HOTAIR: variants seen among roughly 807,000 people sequenced by gnomAD.
HOTAIR encodes HOX transcript antisense RNA (non-protein coding).
At chr12:53,972,228 A>C (rs1452326607) in intron 1 of HOTAIR, among the ~76,000 whole-genome samples, 1 of 152,234 alleles carries the variant, frequency 6.6e-6, no homozygotes, top group Non-Finnish European at 1.5e-5. Context: ...CCTGACATAG[A>C]AGATACATGG....
In HOTAIR at chr12:53,973,529, C is replaced by T. The variant is rs201200152; in HGVS notation, n.59+1369G>A. ...GCTACTCCTCCTGCTATGCGGCGGC[C>T]GACGAGCTTATGCACCGGGAGTGCC... is the stretch of plus-strand genomic sequence containing the variant. On this transcript the variant is annotated intron_variant and non_coding_transcript_variant, in intron 1 of 6. Coordinates refer to ENST00000424518, the Ensembl canonical transcript of HOTAIR. The surrounding 1 kb of genome is among the most constrained non-coding windows in gnomAD (Gnocchi z 4.3). The T allele has an allele frequency of 1.2e-6, 2 of 1,613,738 alleles. No individual in the cohort carries two copies. Among genetic ancestry groups the T allele is most frequent in the South Asian group, 1.1e-5 (1 of 91,078 alleles).
In HOTAIR at chr12:53,973,305, T is replaced by C; in HGVS notation, n.59+1593A>G. 1 of 1,613,960 alleles carries C rather than the reference T, an allele frequency of 6.2e-7. No individual in the cohort carries two copies. Among genetic ancestry groups the C allele is most frequent in the Non-Finnish European group, 8.5e-7 (1 of 1,180,004 alleles). On this transcript the variant is annotated intron_variant and non_coding_transcript_variant, in intron 1 of 6. Transcript: ENST00000424518. This position sits in a 1 kb window ranked among gnomAD's most constrained non-coding sequence, Gnocchi z 4.3. ...GTCGCGCAAGGAGAGGGGCGCAGAT[T>C]TCGGCGAGCGAGGGAGCTGCGCCTC...
At chr12:53,964,659 A>ATTTCTCTT (rs1565711449) in intron 5 of HOTAIR, among the ~76,000 whole-genome samples, 1 of 152,060 alleles carries the variant, frequency 6.6e-6, no homozygotes, top group East Asian at 1.9e-4. Context: ...GAGAGAAAGT[A>ATTTCTCTT]TTTCTCTTTT....
intron 1 of HOTAIR, among the ~76,000 whole-genome samples, chr12:53,974,526 C>G (rs1223322558): frequency 1.3e-5 from 2 of 152,108 alleles, no homozygotes; most frequent in Non-Finnish European, 2.9e-5. Context: ...ACTCTGGGGT[C>G]AGCGGCGACA....
chr12:53,964,096 A>G (rs183607878), exon 7 of HOTAIR: 1 of 152,212 alleles, frequency 6.6e-6, no homozygotes, highest in Non-Finnish European at 1.5e-5. Context: ...TTTTTCTACC[A>G]GGTCGGTACT....
chr12:53,973,150 A>G lies in HOTAIR; in HGVS notation n.59+1748T>C. On this transcript the variant is annotated intron_variant and non_coding_transcript_variant, in intron 1 of 6. Coordinates refer to ENST00000424518, the Ensembl canonical transcript of HOTAIR. This position sits in a 1 kb window ranked among gnomAD's most constrained non-coding sequence, Gnocchi z 4.3. ...CGTGCTCAGAGAGAGAGAGACTAAG[A>G]CGGATAACGCGTCATCTCGCCTTCC... 1 of 931,494 alleles carries G rather than the reference A, an allele frequency of 1.1e-6. No homozygotes were observed. The highest frequency in any genetic ancestry group is 3.0e-4 in the Middle Eastern group (1 of 3,296). The allele number at this position is 931,494 out of a possible 1,614,324, so 57.7% of individuals were successfully genotyped here. A position where few individuals can be genotyped will look rare whatever the true frequency, so the allele number is the denominator to read the frequency against.
chr12:53,973,498 G>A lies in HOTAIR; in HGVS notation n.59+1400C>T, dbSNP rs1485515861. ...GAGCCATCCGGCAAGTGGCACCATC[G>A]GAACAGCTACTCCTCCTGCTATGCG... On this transcript the variant is annotated intron_variant and non_coding_transcript_variant, in intron 1 of 6. Coordinates refer to ENST00000424518, the Ensembl canonical transcript of HOTAIR. The surrounding 1 kb of genome is among the most constrained non-coding windows in gnomAD (Gnocchi z 4.3). 2 of 1,613,960 alleles carry A rather than the reference G, an allele frequency of 1.2e-6. No homozygotes were observed. Among genetic ancestry groups the A allele is most frequent in the Non-Finnish European group, 1.7e-6 (2 of 1,180,020 alleles).
chr12:53,972,749 C>T (rs1939168614), intron 1 of HOTAIR, among the ~76,000 whole-genome samples: 1 of 152,158 alleles, frequency 6.6e-6, no homozygotes, highest in Non-Finnish European at 1.5e-5. Flanking sequence ...AGTCCTCACT[C>T]CCACCCTCCT....
intron 1 of HOTAIR, among the ~76,000 whole-genome samples, chr12:53,971,575 G>A (rs1465246917): frequency 6.6e-6 from 1 of 152,244 alleles, no homozygotes; most frequent in African/African-American, 2.4e-5. Flanking sequence ...TTTTAACTGA[G>A]GGTTATGGAT....
intron 1 of HOTAIR, among the ~76,000 whole-genome samples, chr12:53,974,703 C>A (rs991209955): frequency 6.6e-6 from 1 of 151,786 alleles, no homozygotes; most frequent in African/African-American, 2.4e-5. Context: ...TCTGGTGTCT[C>A]GGTGCCTGCT....
In HOTAIR at chr12:53,973,519, A is replaced by G. The variant is rs945638731; in HGVS notation, n.59+1379T>C. 1.2e-6 allele frequency: 2 copies of G among 1,613,596 alleles called. No homozygotes were observed. Among genetic ancestry groups the G allele is most frequent in the East Asian group, 2.2e-5 (1 of 44,850 alleles). ...CATCGGAACAGCTACTCCTCCTGCT[A>G]TGCGGCGGCCGACGAGCTTATGCAC... On this transcript the variant is annotated intron_variant and non_coding_transcript_variant, in intron 1 of 6. Transcript: ENST00000424518. This position sits in a 1 kb window ranked among gnomAD's most constrained non-coding sequence, Gnocchi z 4.3.
In HOTAIR at chr12:53,974,936, C is replaced by T. The variant is rs562612832; in HGVS notation, n.21G>A. On this transcript the variant is annotated non_coding_transcript_exon_variant, in exon 1 of 7. Transcript: ENST00000424518. The stretch of plus-strand genomic sequence containing the variant: ...CTTCTGTCCCAGACCCTGTCAGCCG[C>T]GGCTCTCGCCTGAGAACTGGGGACG... 74 of 499,890 alleles carry T rather than the reference C, an allele frequency of 1.5e-4. 1 individual carries two copies. The East Asian group carries it at 2.4e-3, about 16-fold the overall frequency. 31.0% of individuals were successfully genotyped at this position (499,890 alleles called of 1,614,324 possible). A position where few individuals can be genotyped will look rare whatever the true frequency, so the allele number is the denominator to read the frequency against.
At chr12:53,966,973 C>G (rs980962988) in intron 3 of HOTAIR, among the ~76,000 whole-genome samples, 3 of 152,188 alleles carry the variant, frequency 2.0e-5, no homozygotes, top group African/African-American at 7.2e-5. Flanking sequence ...TGGGGATGAA[C>G]AGAGAGAAAG....
chr12:53,971,527 A>G (rs908065570), intron 1 of HOTAIR, among the ~76,000 whole-genome samples: 2 of 152,254 alleles, frequency 1.3e-5, no homozygotes, highest in African/African-American at 2.4e-5. Flanking sequence ...ATGTTTCATC[A>G]AGACAAATCC....
chr12:53,964,459 T>C (rs1054961624), intron 5 of HOTAIR, among the ~76,000 whole-genome samples: 2 of 152,074 alleles, frequency 1.3e-5, no homozygotes, highest in African/African-American at 2.4e-5. Context: ...GGAACAAAGA[T>C]CTTTGCCTGA....
chr12:53,974,843 A>C, intron 1 of HOTAIR: 3 of 237,628 alleles, frequency 1.3e-5, no homozygotes, highest in Non-Finnish European at 8.1e-6. Flanking sequence ...CGGCCCAGGA[A>C]GGGCCCGAGG....
At chr12:53,971,044 ACT>A (rs1385284052) in intron 1 of HOTAIR, among the ~76,000 whole-genome samples, 1 of 151,864 alleles carries the variant, frequency 6.6e-6, no homozygotes, top group African/African-American at 2.4e-5. Context: ...CCTTCAATAA[ACT>A]CGAGTTTAAT....
chr12:53,962,824 C>T (rs1456170251), exon 7 of HOTAIR: 3 of 152,138 alleles, frequency 2.0e-5, no homozygotes, highest in Admixed American at 1.3e-4. Context: ...ACTTTTGTCC[C>T]AAGCTGGGGT....
chr12:53,970,895 G>T lies in HOTAIR; in HGVS notation n.60-2139C>A, dbSNP rs531296562. ...CCCACATCACCCTGGAGGGCCAGGA[G>T]GGGGAAGGAAGCAGAGCCTTGGGTG... On this transcript the variant is annotated intron_variant and non_coding_transcript_variant, in intron 1 of 6. Coordinates refer to ENST00000424518, the Ensembl canonical transcript of HOTAIR. Among the ~76,000 whole-genome samples, 5 of 152,300 alleles carry T rather than the reference G, an allele frequency of 3.3e-5. No individual in the cohort carries two copies. In the East Asian group the frequency reaches 7.7e-4, roughly 23 times the overall value.
Sources: allele counts gnomAD v4.1 joint callset (sites outside exome capture counted in the v4.1 genomes callset), GRCh38; gene constraint gnomAD v4.1.1; non-coding constraint Gnocchi (gnomAD v3.1); transcripts MANE v1.5; gene names NCBI Gene and HGNC (gene_info 2026-07-23, HGNC 2026-07-21).